Variants in EIF4G3 observed in about 807,000 individuals in gnomAD.
EIF4G3 encodes eukaryotic translation initiation factor 4 gamma 3.
EIF4G3 carries 34 observed loss-of-function variants against 186.4 expected under a neutral mutation model. The ratio of observed to expected loss-of-function variants is 0.18; its 90% CI spans 0.14 to 0.24. The LOEUF (loss-of-function observed/expected upper bound fraction) is 0.24. Ranked by LOEUF, EIF4G3 falls within the 10% of genes least tolerant of loss-of-function variation. The probability of loss-of-function intolerance (pLI) is 1.00; values close to 1 mark genes in which losing one functional copy is unlikely to be tolerated. For missense variants in EIF4G3, 1,536 were observed against 1,948.5 expected (o/e 0.79, Z 3.99); for synonymous variants, 673 against 679.5 (o/e 0.99, Z 0.15).
At chr1:20,954,814 T>A (rs1263029477) in intron 12 of EIF4G3, among the ~76,000 whole-genome samples, 1 of 152,176 alleles carries the variant, frequency 6.6e-6, no homozygotes, top group Non-Finnish European at 1.5e-5. Context: ...TTAATCACTA[T>A]AGGTATAAAT....
At chr1:20,820,419 G>T (rs1190572123) in intron 33 of EIF4G3, among the ~76,000 whole-genome samples, 5 of 152,230 alleles carry the variant, frequency 3.3e-5, no homozygotes, top group Non-Finnish European at 7.3e-5. Flanking sequence ...GTCCCTGCAG[G>T]CTCAGAGTTG....
chr1:21,132,326 G>A (rs969851982), intron 2 of EIF4G3, among the ~76,000 whole-genome samples: 25 of 152,010 alleles, frequency 1.6e-4, no homozygotes, highest in African/African-American at 5.6e-4. Context: ...CTCTGGAGGA[G>A]CATTTTGTTG....
At chr1:20,889,213 C>T (rs17450140) in intron 18 of EIF4G3, among the ~76,000 whole-genome samples, 4,187 of 152,178 alleles carry the variant, frequency 0.028, 90 homozygotes, top group Non-Finnish European at 0.038. Context: ...ATCTTAAATT[C>T]CACTGCCTAC....
At chr1:21,160,566 A>AATC (rs959754733) in intron 2 of EIF4G3, among the ~76,000 whole-genome samples, 2 of 152,204 alleles carry the variant, frequency 1.3e-5, no homozygotes, top group Admixed American at 1.3e-4. Context: ...TAGTCAAGGT[A>AATC]ATCATCATCA....
chr1:20,913,900 G>A (rs1423252577), intron 14 of EIF4G3, among the ~76,000 whole-genome samples: 2 of 147,364 alleles, frequency 1.4e-5, no homozygotes, highest in Non-Finnish European at 3.0e-5. Context: ...TCCGCCTCCC[G>A]GGTTCACGCC....
In EIF4G3 at chr1:20,840,939, G is replaced by T; in HGVS notation, c.3978C>A (p.Ser1326Arg). 1.2e-6 allele frequency: 2 copies of T among 1,614,002 alleles called. No individual in the cohort carries two copies. Among genetic ancestry groups the T allele is most frequent in the Non-Finnish European group, 1.7e-6 (2 of 1,179,916 alleles). Reference sequence around the variant, plus strand: ...GGCCCATGTGATCCCTGGTGATCTGGCTCCTTTCCAGGGTGGACTCCACTC... The same window carrying T: ...GGCCCATGTGATCCCTGGTGATCTGTCTCCTTTCCAGGGTGGACTCCACTC... ...RVGVESTLERSQITRDHMGQL... is the reference protein window; with the variant it reads ...RVGVESTLERRQITRDHMGQL... The change falls in exon 30 of 37, where the codon AGC becomes AGA. Residue 1326 changes from serine to arginine, a missense_variant. Around this residue, in one of 11 missense-constraint regions of EIF4G3, gnomAD observed 395 missense variants for 498.9 expected, o/e 0.79. Coordinates refer to ENST00000602326, the MANE Select transcript of EIF4G3 (RefSeq NM_001391906.1).
intron 11 of EIF4G3, among the ~76,000 whole-genome samples, chr1:20,970,388 C>T (rs1401671487): frequency 3.3e-5 from 5 of 151,352 alleles, no homozygotes; most frequent in African/African-American, 9.7e-5. Flanking sequence ...CTGAGGCGGG[C>T]GGATCATAAG....
At chr1:21,091,279 C>T (rs189421016) in intron 2 of EIF4G3, among the ~76,000 whole-genome samples, 1 of 152,024 alleles carries the variant, frequency 6.6e-6, no homozygotes, top group Non-Finnish European at 1.5e-5. Flanking sequence ...TGTGACTCAG[C>T]CTCCCAAGCA....
At chr1:21,024,552 ATTC>A (rs988092337) in intron 4 of EIF4G3, among the ~76,000 whole-genome samples, 1 of 150,210 alleles carries the variant, frequency 6.7e-6, no homozygotes, top group Non-Finnish European at 1.5e-5. Context: ...ACTAAGAAAA[ATTC>A]TTCTCCCTTG....
At chr1:21,137,871 T>C (rs766399564) in intron 2 of EIF4G3, among the ~76,000 whole-genome samples, 1 of 147,810 alleles carries the variant, frequency 6.8e-6, no homozygotes, top group Non-Finnish European at 1.5e-5. Flanking sequence ...ACTTCAAAAA[T>C]AATTAACTAA....
At chr1:21,053,043 T>C (rs2094336746) in intron 3 of EIF4G3, among the ~76,000 whole-genome samples, 1 of 144,774 alleles carries the variant, frequency 6.9e-6, no homozygotes, top group Admixed American at 6.8e-5. Context: ...TGGCCGCCCA[T>C]CGTCTGGGAT....
chr1:21,125,367 A>G (rs1018009056), intron 2 of EIF4G3, among the ~76,000 whole-genome samples: 3 of 152,240 alleles, frequency 2.0e-5, no homozygotes, highest in African/African-American at 4.8e-5. Context: ...TAATGACAAC[A>G]GCCCCTAAAA....
chr1:21,124,929 T>C (rs1023627018), intron 2 of EIF4G3, among the ~76,000 whole-genome samples: 1 of 152,204 alleles, frequency 6.6e-6, no homozygotes, highest in Non-Finnish European at 1.5e-5. Flanking sequence ...CCCTCTTTAA[T>C]ACCAAGGAGA....
In EIF4G3 at chr1:20,886,571, C is replaced by A. The variant is rs141586793; in HGVS notation, c.2254-200G>T. Among the ~76,000 whole-genome samples the A allele has an allele frequency of 3.1e-3, 475 of 152,278 alleles. 3 individuals are homozygous for A. The highest frequency in any genetic ancestry group is 0.011 in the African/African-American group (456 of 41,532). On this transcript the variant is annotated intron_variant, in intron 18 of 36. Transcript: ENST00000602326. ...ATCAATGTAATGTTCTCCACCACTA[C>A]AACTTTTGAACAAGAGGCCTTTTTG...
intron 2 of EIF4G3, among the ~76,000 whole-genome samples, chr1:21,111,943 G>A (rs1335351966): frequency 2.6e-5 from 4 of 152,166 alleles, no homozygotes; most frequent in Non-Finnish European, 5.9e-5. Flanking sequence ...TAGATGACTA[G>A]TGTCATTAGC....
intron 4 of EIF4G3, among the ~76,000 whole-genome samples, chr1:21,047,669 A>C (rs985464333): frequency 2.6e-5 from 4 of 152,082 alleles, no homozygotes; most frequent in African/African-American, 9.7e-5. Context: ...TCATGTGTCC[A>C]CGCACATTGA....
intron 2 of EIF4G3, among the ~76,000 whole-genome samples, chr1:21,103,803 C>T (rs997120915): frequency 1.3e-5 from 2 of 152,088 alleles, no homozygotes; most frequent in Non-Finnish European, 2.9e-5. Flanking sequence ...AAGATCACAC[C>T]ACTGCACTCC....
chr1:21,078,919 A>T (rs928866440), intron 3 of EIF4G3, among the ~76,000 whole-genome samples: 13 of 152,320 alleles, frequency 8.5e-5, no homozygotes, highest in African/African-American at 3.1e-4. Context: ...CAGGAGGCGG[A>T]GGCTGCAGTA....
At chr1:20,952,178 C>T (rs1028691259) in intron 12 of EIF4G3, among the ~76,000 whole-genome samples, 5 of 131,328 alleles carry the variant, frequency 3.8e-5, no homozygotes, top group African/African-American at 5.8e-5. Flanking sequence ...TTTTTTGAGA[C>T]GGAGTCTTGC....
Sources: allele counts gnomAD v4.1 joint callset (sites outside exome capture counted in the v4.1 genomes callset), GRCh38; gene constraint gnomAD v4.1.1; regional missense constraint gnomAD v4.1.1; transcripts MANE v1.5; gene names NCBI Gene and HGNC (gene_info 2026-07-23, HGNC 2026-07-21).